The following ST6GALNAC3 variants were observed in gnomAD, a reference collection of about 807,000 sequenced individuals.
The protein encoded by ST6GALNAC3 is ST6 N-acetylgalactosaminide alpha-2,6-sialyltransferase 3.
ST6GALNAC3 carries 25 observed loss-of-function variants against 32.7 expected under a neutral mutation model. The observed-to-expected ratio is 0.76, with a 90% CI of 0.56 to 1.07. ST6GALNAC3 has a LOEUF of 1.07. Ranked by LOEUF, ST6GALNAC3 falls within the 50% of genes least tolerant of loss-of-function variation. ST6GALNAC3 has a pLI of 0.00. For missense variants in ST6GALNAC3, 355 were observed against 382.4 expected, an observed-to-expected ratio of 0.93 and a Z score of 0.60; for synonymous variants, 129 against 133.1, an observed-to-expected ratio of 0.97 and a Z score of 0.21.
chr1:76,083,380 AAG>A, intron 1 of ST6GALNAC3, among the ~76,000 whole-genome samples: 1 of 152,264 alleles, frequency 6.6e-6, no homozygotes, highest in Non-Finnish European at 1.5e-5. Context: ...ACTCGAAAGA[AAG>A]AGAAGTGAAA....
intron 1 of ST6GALNAC3, among the ~76,000 whole-genome samples, chr1:76,134,565 A>T (rs949937705): frequency 6.6e-6 from 1 of 152,198 alleles, no homozygotes; most frequent in Non-Finnish European, 1.5e-5. Context: ...TTTCCTGCTC[A>T]GTTTTCAGAT....
chr1:76,341,074 G>A (rs1192802616), intron 2 of ST6GALNAC3, among the ~76,000 whole-genome samples: 1 of 151,518 alleles, frequency 6.6e-6, no homozygotes, highest in African/African-American at 2.4e-5. Context: ...AGATTTAAAT[G>A]GTACAGGTAG....
chr1:76,129,913 G>A (rs550411867), intron 1 of ST6GALNAC3, among the ~76,000 whole-genome samples: 24 of 152,174 alleles, frequency 1.6e-4, no homozygotes, highest in East Asian at 1.4e-3. Context: ...CATCATTCTC[G>A]TCATACTGTT....
At chr1:76,341,191 G>A (rs1306519419) in intron 2 of ST6GALNAC3, among the ~76,000 whole-genome samples, 1 of 151,648 alleles carries the variant, frequency 6.6e-6, no homozygotes, top group Non-Finnish European at 1.5e-5. Context: ...TCAAGCCTTG[G>A]CCCCCTTCCT....
intron 3 of ST6GALNAC3, among the ~76,000 whole-genome samples, chr1:76,515,321 A>G (rs1293195926): frequency 6.6e-6 from 1 of 151,930 alleles, no homozygotes; most frequent in Non-Finnish European, 1.5e-5. Flanking sequence ...GGATCTTATC[A>G]TATTTTTTCA....
intron 2 of ST6GALNAC3, among the ~76,000 whole-genome samples, chr1:76,375,103 C>A (rs1651119679): frequency 6.6e-6 from 1 of 152,046 alleles, no homozygotes; most frequent in Non-Finnish European, 1.5e-5. Context: ...AGAAAAGGGA[C>A]AGAGATCATA....
intron 3 of ST6GALNAC3, among the ~76,000 whole-genome samples, chr1:76,538,956 G>A (rs960078007): frequency 6.6e-6 from 1 of 152,172 alleles, no homozygotes; most frequent in African/African-American, 2.4e-5. Flanking sequence ...GTAATTTATA[G>A]ATTCAATGCT....
Position 76,426,590 on chromosome 1 carries a change from G to A in ST6GALNAC3, c.623+14173G>A, listed in dbSNP as rs575371474. ...ACATATATATATATATAGGGAGAGA[G>A]AGAAAGAGAGAGAGAGAATGCCCTC... On this transcript the variant is annotated intron_variant, in intron 3 of 4. Transcript: ENST00000328299. Among the ~76,000 whole-genome samples, 284 of 151,518 alleles carry A rather than the reference G, an allele frequency of 1.9e-3. 1 individual carries two copies. The highest frequency in any genetic ancestry group is 6.6e-3 in the African/African-American group (274 of 41,296).
chr1:76,117,845 A>G (rs1186848918), intron 1 of ST6GALNAC3, among the ~76,000 whole-genome samples: 1 of 152,224 alleles, frequency 6.6e-6, no homozygotes, highest in African/African-American at 2.4e-5. Flanking sequence ...TACATGCTAG[A>G]TGACTTCAAG....
chr1:76,445,433 C>T (rs918537663), intron 3 of ST6GALNAC3, among the ~76,000 whole-genome samples: 1 of 152,190 alleles, frequency 6.6e-6, no homozygotes, highest in Admixed American at 6.5e-5. Context: ...AGAACCCCTG[C>T]ATCCTATTAA....
At chr1:76,107,927 TC>T (rs1647651592) in intron 1 of ST6GALNAC3, among the ~76,000 whole-genome samples, 1 of 152,212 alleles carries the variant, frequency 6.6e-6, no homozygotes, top group African/African-American at 2.4e-5. Context: ...CATTTATATT[TC>T]CTGGCATTGA....
intron 2 of ST6GALNAC3, among the ~76,000 whole-genome samples, chr1:76,341,470 G>A (rs796345217): frequency 1.9e-4 from 29 of 152,160 alleles, no homozygotes; most frequent in African/African-American, 5.1e-4. Flanking sequence ...ATGGGCACCT[G>A]GGTGGATTCC....
At chr1:76,511,671 A>T (rs1557509737) in intron 3 of ST6GALNAC3, among the ~76,000 whole-genome samples, 1 of 152,324 alleles carries the variant, frequency 6.6e-6, no homozygotes, top group East Asian at 1.9e-4. Flanking sequence ...CTGAGCAGGA[A>T]ACGTCTCCCT....
rs1400207353 is a variant in ST6GALNAC3 at position 76,632,018 on chromosome 1, A to C, written c.*3212A>C. 1 of 152,066 alleles carries C rather than the reference A, an allele frequency of 6.6e-6. No individual in the cohort carries two copies. Among genetic ancestry groups the C allele is most frequent in the Non-Finnish European group, 1.5e-5 (1 of 67,988 alleles). 9.4% of individuals were successfully genotyped at this position (152,066 alleles called of 1,614,324 possible). On this transcript the variant is annotated 3_prime_UTR_variant, in exon 5 of 5. Coordinates refer to ENST00000328299, the MANE Select transcript of ST6GALNAC3 (RefSeq NM_152996.4). Reference sequence around the variant, plus strand: ...AGAAAAGGCAATTGGAATTTGGAGGAATGTTTGTATATATGCACATAGAGT... The same window carrying C: ...AGAAAAGGCAATTGGAATTTGGAGGCATGTTTGTATATATGCACATAGAGT...
intron 1 of ST6GALNAC3, among the ~76,000 whole-genome samples, chr1:76,278,883 A>C (rs186642913): frequency 6.6e-6 from 1 of 152,330 alleles, no homozygotes; most frequent in African/African-American, 2.4e-5. Context: ...TCACACCAAA[A>C]TAGTTCTGTT....
chr1:76,501,707 C>T (rs1169799983), intron 3 of ST6GALNAC3, among the ~76,000 whole-genome samples: 1 of 152,182 alleles, frequency 6.6e-6, no homozygotes, highest in Admixed American at 6.5e-5. Context: ...GCTTCAGAAG[C>T]TTCAACAGGA....
chr1:76,596,098 A>C (rs1036006786), intron 3 of ST6GALNAC3, among the ~76,000 whole-genome samples: 3 of 152,108 alleles, frequency 2.0e-5, no homozygotes, highest in African/African-American at 7.2e-5. Context: ...TGCAGAATTT[A>C]TCTCTTTAAT....
At chr1:76,241,636 C>T (rs893727006) in intron 1 of ST6GALNAC3, among the ~76,000 whole-genome samples, 1 of 152,028 alleles carries the variant, frequency 6.6e-6, no homozygotes, top group African/African-American at 2.4e-5. Context: ...ATAGCAGTAC[C>T]TGAAATGTGG....
At chr1:76,480,534 C>G (rs1205371230) in intron 3 of ST6GALNAC3, among the ~76,000 whole-genome samples, 3 of 152,020 alleles carry the variant, frequency 2.0e-5, no homozygotes, top group African/African-American at 4.8e-5. Flanking sequence ...GAAATGTCAC[C>G]TAGTTCAGTC....
Sources: allele counts gnomAD v4.1 joint callset (sites outside exome capture counted in the v4.1 genomes callset), GRCh38; gene constraint gnomAD v4.1.1; transcripts MANE v1.5; gene names NCBI Gene and HGNC (gene_info 2026-07-23, HGNC 2026-07-21).